GIT2: variants seen among roughly 807,000 people sequenced by gnomAD.
The protein encoded by GIT2 is ARF GTPase-activating protein GIT2.
In GIT2, 32 loss-of-function variants were observed where a neutral mutation model predicts 100.3. That is an observed-to-expected ratio of 0.32 (90% CI 0.24 to 0.43). GIT2 has a LOEUF of 0.43. Among genes scored for constraint, GIT2 ranks in the 20% least tolerant of loss-of-function variants. The pLI is 1.00. For synonymous variants in GIT2, 353 were observed against 364.1 expected, an observed-to-expected ratio of 0.97 and a Z score of 0.35; for missense variants, 737 against 975.1, an observed-to-expected ratio of 0.76 and a Z score of 3.25.
chr12:109,978,171 C>T (rs912129613), intron 7 of GIT2, among the ~76,000 whole-genome samples: 2 of 149,506 alleles, frequency 1.3e-5, no homozygotes, highest in Non-Finnish European at 3.0e-5. Context: ...CAACCTCTAC[C>T]TCCCAGGTTC....
intron 7 of GIT2, among the ~76,000 whole-genome samples, chr12:109,968,581 G>A (rs9634314): frequency 0.19 from 28,855 of 150,546 alleles, 4,989 homozygotes; most frequent in African/African-American, 0.47. Flanking sequence ...GCGCCACCAC[G>A]CCCAACTAAT....
At chr12:109,986,491 G>A (rs1303816698) in intron 4 of GIT2, among the ~76,000 whole-genome samples, 4 of 152,192 alleles carry the variant, frequency 2.6e-5, no homozygotes, top group African/African-American at 4.8e-5. Flanking sequence ...ATGGCCGGGC[G>A]TGGTGGCTTA....
Position 109,948,081 on chromosome 12 carries a change from A to C in GIT2, c.1393-577T>G, listed in dbSNP as rs1876818771. Reference sequence around the variant, plus strand: ...GAAAAATTATGATCAACAAGTTTTTATTACATAATACTCTTGATATTCCAA... The same window carrying C: ...GAAAAATTATGATCAACAAGTTTTTCTTACATAATACTCTTGATATTCCAA... On this transcript the variant is annotated intron_variant, in intron 14 of 19. Transcript: ENST00000355312. This position sits in a 1 kb window ranked among gnomAD's most constrained non-coding sequence, Gnocchi z 4.3. 1.1e-6 allele frequency: 1 copy of C among 914,866 alleles called. No homozygotes were observed. Among genetic ancestry groups the C allele is most frequent in the Non-Finnish European group, 1.3e-6 (1 of 765,824 alleles). 56.7% of individuals were successfully genotyped at this position (914,866 alleles called of 1,614,324 possible). A position where few individuals can be genotyped will look rare whatever the true frequency, so the allele number is the denominator to read the frequency against.
chr12:109,989,605 G>A, intron 3 of GIT2, 85 bp downstream of exon 3: 1 of 772,916 alleles, frequency 1.3e-6, no homozygotes, highest in South Asian at 1.5e-5. Context: ...TGCCCTTGCG[G>A]AGACTGACCA....
At chr12:109,938,788 G>C (rs1873765359) in intron 17 of GIT2, 1 of 527,354 alleles carries the variant, frequency 1.9e-6, no homozygotes, top group Admixed American at 3.6e-5. Flanking sequence ...GGGTGAAGGA[G>C]GGGAAAAGGG....
intron 11 of GIT2, 99 bp from the exon 12 acceptor site, chr12:109,960,057 T>A: frequency 1.3e-6 from 1 of 777,388 alleles, no homozygotes; most frequent in Non-Finnish European, 2.2e-6. Flanking sequence ...CTTCTGCAAA[T>A]ACTTTCTTCT....
In GIT2 at chr12:109,947,534, G is replaced by A; in HGVS notation, c.1393-30C>T. The A allele has an allele frequency of 1.3e-6, 2 of 1,597,134 alleles. No individual in the cohort carries two copies. The highest frequency in any genetic ancestry group is 2.2e-5 in the East Asian group (1 of 44,582). On this transcript the variant is annotated intron_variant, in intron 14 of 19. Coordinates refer to ENST00000355312, the MANE Select transcript of GIT2 (RefSeq NM_057169.5). This position sits in a 1 kb window ranked among gnomAD's most constrained non-coding sequence, Gnocchi z 4.3. ...AAGAAATGTTTGGCAGTGGGACTGT[G>A]TTTTTTTACAGCAAGCAGAAAAAGC...
chr12:109,947,374 C>CG lies in GIT2; in HGVS notation c.1522dup (p.Arg508ProfsTer4). 1 of 1,614,142 alleles carries CG rather than the reference C, an allele frequency of 6.2e-7. No individual in the cohort carries two copies. The highest frequency in any genetic ancestry group is 8.5e-7 in the Non-Finnish European group (1 of 1,180,008). ...GTACATGGACATGGGCCTACTGCCCCGGGCAGACGGACGTCTCTTTAAGGA... is the reference window on the plus strand; with the variant it reads ...GTACATGGACATGGGCCTACTGCCCCGGGGCAGACGGACGTCTCTTTAAGGA... On this transcript the variant is annotated frameshift_variant, in exon 15 of 20. Transcript: ENST00000355312. LOFTEE classifies it high-confidence loss of function. The surrounding 1 kb of genome is among the most constrained non-coding windows in gnomAD (Gnocchi z 4.3).
At chr12:109,953,888 G>A (rs1878597784) in intron 12 of GIT2, 1 of 152,234 alleles carries the variant, frequency 6.6e-6, no homozygotes, top group Non-Finnish European at 1.5e-5. Flanking sequence ...AGGTCATGAA[G>A]ATAAGGCTGT....
chr12:109,998,101 A>G (rs1012486751), upstream of GIT2: 2 of 152,270 alleles, frequency 1.3e-5, no homozygotes, highest in South Asian at 2.1e-4. Context: ...GATGAAGAAG[A>G]AGGAGAACGT....
At position 109,941,604 on chromosome 12, in the gene GIT2, C is replaced by T. The variant is rs561853057; in HGVS notation, c.1732-2357G>A. On this transcript the variant is annotated intron_variant, in intron 16 of 19. Transcript: ENST00000355312. ...TGGCATAAGCTAGGCTCACTGCAAC[C>T]TCCGCCTCCCAGGTTCAAGCAATTC... Among the ~76,000 whole-genome samples, 11 of 151,928 alleles carry T rather than the reference C, an allele frequency of 7.2e-5. No homozygotes were observed. In the South Asian group the frequency reaches 2.3e-3, roughly 32 times the overall value.
At position 109,930,577 on chromosome 12, in the gene GIT2, T is replaced by C. The variant is rs947411815; in HGVS notation, c.*2401A>G. The C allele has an allele frequency of 1.3e-5, 2 of 152,194 alleles. No individual in the cohort carries two copies. The highest frequency in any genetic ancestry group is 4.8e-5 in the African/African-American group (2 of 41,448). The allele number at this position is 152,194 out of a possible 1,614,324, so 9.4% of individuals were successfully genotyped here. A position where few individuals can be genotyped will look rare whatever the true frequency, so the allele number is the denominator to read the frequency against. ...GAGAGGACGACCTGCAGCCCTCCAA[T>C]GGCCACGTCATTCCACCGGGGAACT... On this transcript the variant is annotated 3_prime_UTR_variant, in exon 20 of 20. Transcript: ENST00000355312.
chr12:109,966,731 A>G (rs918802069), intron 8 of GIT2, among the ~76,000 whole-genome samples: 1 of 152,118 alleles, frequency 6.6e-6, no homozygotes, highest in African/African-American at 2.4e-5. Flanking sequence ...CTGGAATAGC[A>G]GTTAGTCATT....
chr12:109,985,227 C>G (rs1887108302), intron 4 of GIT2, among the ~76,000 whole-genome samples: 1 of 151,944 alleles, frequency 6.6e-6, no homozygotes, highest in Non-Finnish European at 1.5e-5. Context: ...CTCAGCCTCC[C>G]AAGTAGCTAG....
chr12:109,959,599 G>A (rs1880506006), intron 12 of GIT2, among the ~76,000 whole-genome samples: 1 of 152,230 alleles, frequency 6.6e-6, no homozygotes, highest in East Asian at 1.9e-4. Flanking sequence ...AGTGGGTGGG[G>A]CTGAGGGGAG....
chr12:109,946,405 T>G (rs1478412005), intron 15 of GIT2, among the ~76,000 whole-genome samples: 2 of 152,072 alleles, frequency 1.3e-5, no homozygotes, highest in African/African-American at 4.8e-5. Flanking sequence ...AATAATAAAC[T>G]TTGACACTCA....
At position 109,933,794 on chromosome 12, in the gene GIT2, T is replaced by G; in HGVS notation, c.2067+228A>C. On this transcript the variant is annotated intron_variant, in intron 19 of 19. Transcript: ENST00000355312. The surrounding 1 kb of genome is among the most constrained non-coding windows in gnomAD (Gnocchi z 4.5). Reference sequence around the variant, plus strand: ...TTTTGTATTTTTAGTAGAGACAGGGTCTCTCCATGTTGGTCAGGCTGGCCT... The same window carrying G: ...TTTTGTATTTTTAGTAGAGACAGGGGCTCTCCATGTTGGTCAGGCTGGCCT... The G allele has an allele frequency of 4.2e-6, 2 of 472,066 alleles. No individual in the cohort carries two copies. Among genetic ancestry groups the G allele is most frequent in the East Asian group, 8.0e-5 (2 of 24,984 alleles). 29.2% of individuals were successfully genotyped at this position (472,066 alleles called of 1,614,324 possible).
upstream of GIT2, chr12:109,998,917 T>A (rs1889783441): frequency 6.6e-6 from 1 of 152,224 alleles, no homozygotes. Flanking sequence ...GTTCAATATG[T>A]GCCGAGGTTG....
In GIT2 at chr12:109,977,892, A is replaced by T. The variant is rs188353341; in HGVS notation, c.718+3060T>A. On this transcript the variant is annotated intron_variant, in intron 7 of 19. Transcript: ENST00000355312. ...CTGATAAGAAATCCACAATCATTCAAATCACTGTTTTTCTATATATGTTAT... is the reference window on the plus strand; with the variant it reads ...CTGATAAGAAATCCACAATCATTCATATCACTGTTTTTCTATATATGTTAT... 1.6e-3 allele frequency among the ~76,000 whole-genome samples: 238 copies of T among 152,000 alleles called. 4 individuals carry two copies. The highest frequency in any genetic ancestry group is 0.012 in the Admixed American group (177 of 15,268).
Sources: gnomAD v4.1 joint callset for allele counts (sites outside exome capture counted in the v4.1 genomes callset) on GRCh38, gnomAD v4.1.1 for gene constraint, Gnocchi (gnomAD v3.1) non-coding constraint, MANE v1.5 for transcripts, NCBI Gene and HGNC (gene_info 2026-07-23, HGNC 2026-07-21) for gene names.